Variants in BTAF1 observed in about 807,000 individuals in gnomAD.
The protein encoded by BTAF1 is TATA-binding protein-associated factor 172.
Under a neutral mutation model 227.1 loss-of-function variants are expected in BTAF1, and 38 were observed. That is an observed-to-expected ratio of 0.17 (90% CI 0.13 to 0.22). The LOEUF is 0.22. Ranked by LOEUF, BTAF1 falls within the 10% of genes least tolerant of loss-of-function variation. The probability of loss-of-function intolerance (pLI) is 1.00; values close to 1 mark genes in which losing one functional copy is unlikely to be tolerated. For synonymous variants in BTAF1, 742 were observed against 751.9 expected (o/e 0.99, Z 0.21); for missense variants, 1,598 against 2,204.0 (o/e 0.73, Z 5.51).
At chr10:92,009,732 T>C (rs1564714815) in intron 28 of BTAF1, among the ~76,000 whole-genome samples, 1 of 152,216 alleles carries the variant, frequency 6.6e-6, no homozygotes, top group Non-Finnish European at 1.5e-5. Flanking sequence ...AGAAGTACTT[T>C]TGTTCCACTA....
chr10:91,974,903 A>G (rs1410769176), intron 14 of BTAF1, among the ~76,000 whole-genome samples: 4 of 152,228 alleles, frequency 2.6e-5, no homozygotes, highest in Non-Finnish European at 4.4e-5. Flanking sequence ...CAATCAAGGT[A>G]TAACTTTTTT....
intron 1 of BTAF1, among the ~76,000 whole-genome samples, chr10:91,935,340 T>C (rs1442025845): frequency 3.9e-5 from 6 of 152,220 alleles, no homozygotes; most frequent in African/African-American, 7.2e-5. Context: ...AGAACTTGTT[T>C]CTTCTATTTA....
intron 1 of BTAF1, among the ~76,000 whole-genome samples, chr10:91,927,326 T>TG (rs1843924718): frequency 6.6e-6 from 1 of 151,998 alleles, no homozygotes; most frequent in Non-Finnish European, 1.5e-5. Flanking sequence ...TTAGTAGAGA[T>TG]GGGGTTTCTC....
At chr10:91,930,787 C>T (rs956949172) in intron 1 of BTAF1, among the ~76,000 whole-genome samples, 1 of 152,104 alleles carries the variant, frequency 6.6e-6, no homozygotes, top group African/African-American at 2.4e-5. Flanking sequence ...TTCAAATCAT[C>T]TATATTTAAA....
intron 28 of BTAF1, 60 bp downstream of exon 28, chr10:92,009,268 C>T (rs1850143154): frequency 2.6e-6 from 4 of 1,528,820 alleles, no homozygotes. Flanking sequence ...AGATAAGGAA[C>T]AGTAACATTT....
chr10:92,014,314 G>A lies in BTAF1; in HGVS notation c.4584+285G>A, dbSNP rs12267763. 0.14 allele frequency among the ~76,000 whole-genome samples: 21,016 copies of A among 151,794 alleles called. 1,735 individuals are homozygous for A. Among genetic ancestry groups the A allele is most frequent in the East Asian group, 0.22 (1,138 of 5,152 alleles). On this transcript the variant is annotated intron_variant, in intron 32 of 37. Coordinates refer to ENST00000265990, the MANE Select transcript of BTAF1 (RefSeq NM_003972.3). The stretch of plus-strand genomic sequence containing the variant: ...CACAGTCATGGCTCACTGCAGCCTC[G>A]ACCTCCGGGTTCAAGTGATTCTCCA...
At chr10:91,989,614 AT>A in intron 20 of BTAF1, 34 bp downstream of exon 20, 1 of 1,522,896 alleles carries the variant, frequency 6.6e-7, no homozygotes, top group Non-Finnish European at 8.8e-7. Context: ...GGGTAGAGAA[AT>A]AACCTTTTAA....
intron 9 of BTAF1, 26 bp from the exon 10 acceptor site, chr10:91,959,756 ATAT>A: frequency 1.8e-6 from 1 of 541,750 alleles, no homozygotes. Context: ...ATATATATAT[ATAT>A]ATATATATAT....
intron 19 of BTAF1, among the ~76,000 whole-genome samples, chr10:91,985,569 C>T (rs898881031): frequency 6.6e-6 from 1 of 151,964 alleles, no homozygotes; most frequent in African/African-American, 2.4e-5. Context: ...CAGACTTTTC[C>T]CCAAAGAGAT....
chr10:91,991,271 AAT>A (rs3980612), intron 20 of BTAF1, among the ~76,000 whole-genome samples: 43 of 66,222 alleles, frequency 6.5e-4, no homozygotes, highest in Admixed American at 1.3e-3. Flanking sequence ...TATAAATATA[AAT>A]ATATATATAT....
chr10:91,960,208 T>A (rs1846403284), intron 11 of BTAF1, 54 bp downstream of exon 11: 1 of 1,540,490 alleles, frequency 6.5e-7, no homozygotes, highest in Admixed American at 1.9e-5. Flanking sequence ...CCCCTTATAG[T>A]TTATTTTCAC....
chr10:91,987,922 G>T, intron 19 of BTAF1, among the ~76,000 whole-genome samples: 1 of 152,092 alleles, frequency 6.6e-6, no homozygotes, highest in East Asian at 1.9e-4. Context: ...TGCTTATCCA[G>T]AGTTCATCTC....
intron 4 of BTAF1, among the ~76,000 whole-genome samples, chr10:91,945,664 A>C (rs1282987216): frequency 2.0e-5 from 3 of 152,144 alleles, no homozygotes; most frequent in East Asian, 1.9e-4. Flanking sequence ...TATGTATATA[A>C]ATTTTGTTTA....
At chr10:92,016,899 T>C (rs1375035085) in intron 33 of BTAF1, among the ~76,000 whole-genome samples, 1 of 152,220 alleles carries the variant, frequency 6.6e-6, no homozygotes, top group African/African-American at 2.4e-5. Flanking sequence ...TAAGTTAAAA[T>C]ACCTATTTAA....
chr10:92,022,531 C>T (rs1375788944), intron 34 of BTAF1, among the ~76,000 whole-genome samples: 1 of 152,120 alleles, frequency 6.6e-6, no homozygotes, highest in Non-Finnish European at 1.5e-5. Flanking sequence ...AATCCTTTCA[C>T]CTCAGCCTCC....
intron 1 of BTAF1, among the ~76,000 whole-genome samples, chr10:91,927,725 A>G (rs1843953209): frequency 6.6e-6 from 1 of 152,172 alleles, no homozygotes; most frequent in South Asian, 2.1e-4. Context: ...AGATATAACA[A>G]TTATTATTTA....
intron 1 of BTAF1, among the ~76,000 whole-genome samples, chr10:91,934,842 G>T (rs1235140499): frequency 6.6e-6 from 1 of 152,050 alleles, no homozygotes; most frequent in Non-Finnish European, 1.5e-5. Context: ...ATCTCCACCA[G>T]TGTTAAAATT....
rs752613059 is a variant in BTAF1, at chr10:91,984,192, G to T, written c.2224-9G>T. 24 of 1,611,292 alleles carry T rather than the reference G, an allele frequency of 1.5e-5. 1 individual carries two copies. The highest frequency in any genetic ancestry group is 2.0e-5 in the Non-Finnish European group (23 of 1,178,520). ...ACAGTTACCCTATTTGTTTTCTGTT[G>T]TATTTTAGGAGTGTAAAGCTGTTAC... On this transcript the variant is annotated splice_polypyrimidine_tract_variant and intron_variant, in intron 18 of 37. Transcript: ENST00000265990.
chr10:92,018,908 T>C lies in BTAF1; in HGVS notation c.4836T>C (p.His1612=). 6.2e-7 allele frequency: 1 copy of C among 1,603,378 alleles called. No individual in the cohort carries two copies. The highest frequency in any genetic ancestry group is 1.7e-5 in the Admixed American group (1 of 57,314). ...ATTCTTCTCTACATGATATTCAACA[T>C]GCCCCTAAGCTCTCAGCTTTGAAAC... ...VQNSSLHDIQ[H]APKLSALKQL... is the part of the protein sequence containing the mutation. The change falls in exon 34 of 38, where the codon CAT becomes CAC. Residue 1612 remains histidine (H), a synonymous_variant. Transcript: ENST00000265990.
Sources: allele counts gnomAD v4.1 joint callset (sites outside exome capture counted in the v4.1 genomes callset), GRCh38; gene constraint gnomAD v4.1.1; transcripts MANE v1.5; gene names NCBI Gene and HGNC (gene_info 2026-07-23, HGNC 2026-07-21).